Variants in DOCK5 observed in about 807,000 individuals in gnomAD.
DOCK5 encodes the protein dedicator of cytokinesis 5.
DOCK5 carries 142 observed loss-of-function variants against 251.8 expected under a neutral mutation model. The observed-to-expected ratio is 0.56, with a 90% CI of 0.49 to 0.65. The LOEUF (loss-of-function observed/expected upper bound fraction) is 0.65. Ranked by LOEUF, DOCK5 falls within the 30% of genes least tolerant of loss-of-function variation. DOCK5 has a pLI of 0.00. For missense variants in DOCK5, 2,111 were observed against 2,312.3 expected, an observed-to-expected ratio of 0.91 and a Z score of 1.79; for synonymous variants, 842 against 835.5, an observed-to-expected ratio of 1.01 and a Z score of -0.13.
Position 25,407,525 on chromosome 8 carries a change from G to C in DOCK5, c.5094-458G>C, listed in dbSNP as rs183808494. On this transcript the variant is annotated intron_variant, in intron 48 of 51. Coordinates refer to ENST00000276440, the MANE Select transcript of DOCK5 (RefSeq NM_024940.8). Reference sequence around the variant, plus strand: ...ATTAACACCTTGAGATGTTTGTTCAGTTGTAATTGAAAATTTAGATTTAGA... The same window carrying C: ...ATTAACACCTTGAGATGTTTGTTCACTTGTAATTGAAAATTTAGATTTAGA... Among the ~76,000 whole-genome samples the C allele has an allele frequency of 2.5e-3, 385 of 152,288 alleles. 3 individuals are homozygous for C. Among genetic ancestry groups the C allele is most frequent in the African/African-American group, 9.1e-3 (379 of 41,568 alleles).
chr8:25,259,046 G>A (rs918970267), intron 2 of DOCK5, among the ~76,000 whole-genome samples: 2 of 152,212 alleles, frequency 1.3e-5, no homozygotes, highest in Non-Finnish European at 2.9e-5. Flanking sequence ...TTGAGCCCGG[G>A]GGGGCGGAGG....
intron 1 of DOCK5, among the ~76,000 whole-genome samples, chr8:25,188,616 G>C (rs753689493): frequency 3.3e-5 from 5 of 152,176 alleles, no homozygotes; most frequent in Non-Finnish European, 5.9e-5. Flanking sequence ...CAGCCTGTCT[G>C]GGCTTTCTTA....
At position 25,302,464 on chromosome 8, in the gene DOCK5, A is replaced by T; in HGVS notation, c.976+10A>T. 2 of 1,536,144 alleles carry T rather than the reference A, an allele frequency of 1.3e-6. No homozygotes were observed. The highest frequency in any genetic ancestry group is 2.8e-5 in the African/African-American group (2 of 72,564). The stretch of plus-strand genomic sequence containing the variant: ...CCTTTTGGAGTGGCAGGTACAAGAG[A>T]GACCCAGAGACAAATGTGAAATAGT... On this transcript the variant is annotated intron_variant, in intron 10 of 51. Transcript: ENST00000276440.
Position 25,375,629 on chromosome 8 carries a change from G to A in DOCK5, c.3816+975G>A, listed in dbSNP as rs765893539. On this transcript the variant is annotated intron_variant, in intron 37 of 51. Transcript: ENST00000276440. ...GCACTACAGCAGCCTCCTGTTTGGT[G>A]TCTCTGCCTCCAGTTTTGTTCTCAG... 315 of 946,762 alleles carry A rather than the reference G, an allele frequency of 3.3e-4. 1 individual carries two copies. The highest frequency in any genetic ancestry group is 5.5e-4 in the Middle Eastern group (1 of 1,814). The allele number at this position is 946,762 out of a possible 1,614,324, so 58.6% of individuals were successfully genotyped here. A position where few individuals can be genotyped will look rare whatever the true frequency, so the allele number is the denominator to read the frequency against.
chr8:25,309,880 A>G (rs767008263), intron 12 of DOCK5, among the ~76,000 whole-genome samples: 1 of 152,114 alleles, frequency 6.6e-6, no homozygotes, highest in Non-Finnish European at 1.5e-5. Flanking sequence ...TTTAATAGCT[A>G]TACACTTCTT....
chr8:25,302,015 G>A (rs1804778555), intron 9 of DOCK5, among the ~76,000 whole-genome samples: 1 of 152,172 alleles, frequency 6.6e-6, no homozygotes, highest in Non-Finnish European at 1.5e-5. Flanking sequence ...TCGCAATGAT[G>A]AGGGCCCTGA....
At chr8:25,286,817 C>G (rs1804347035) in intron 5 of DOCK5, among the ~76,000 whole-genome samples, 1 of 152,078 alleles carries the variant, frequency 6.6e-6, no homozygotes, top group African/African-American at 2.4e-5. Flanking sequence ...GCGTGCACCA[C>G]CACATCTGGC....
intron 1 of DOCK5, among the ~76,000 whole-genome samples, chr8:25,235,455 C>T (rs1280823770): frequency 3.3e-5 from 5 of 152,148 alleles, no homozygotes; most frequent in African/African-American, 1.2e-4. Flanking sequence ...GACAGGGTCT[C>T]CCTATGTTGC....
At chr8:25,346,626 C>T (rs1800372302) in intron 26 of DOCK5, among the ~76,000 whole-genome samples, 1 of 100,126 alleles carries the variant, frequency 1.0e-5, no homozygotes, top group African/African-American at 4.1e-5. Flanking sequence ...GAGATCGAGA[C>T]CATCCTGGCT....
rs199896366 is a variant in DOCK5, at chr8:25,299,002, A to G, written c.665A>G (p.Tyr222Cys). The G allele has an allele frequency of 1.4e-5, 22 of 1,613,820 alleles. No individual in the cohort carries two copies. The highest frequency in any genetic ancestry group is 8.3e-5 in the Admixed American group (5 of 59,990). ...TCCATCTTCAGTACCATCCACACCTATGGCCTCTATGTGAACTTCAAGAAC... is the reference window on the plus strand; with the variant it reads ...TCCATCTTCAGTACCATCCACACCTGTGGCCTCTATGTGAACTTCAAGAAC... Reference protein sequence around the residue: ...GQSIFSTIHTYGLYVNFKNFV... With the variant: ...GQSIFSTIHTCGLYVNFKNFV... The change falls in exon 8 of 52, where the codon TAT becomes TGT. Residue 222 changes from tyrosine (Y) to cysteine (C), a missense_variant. Transcript: ENST00000276440.
At chr8:25,373,499 A>G in intron 35 of DOCK5, 119 bp from the exon 36 acceptor site, 1 of 929,574 alleles carries the variant, frequency 1.1e-6, no homozygotes, top group Middle Eastern at 2.8e-4. Flanking sequence ...GTTAAAGGGA[A>G]ACAGTGATCT....
Position 25,408,931 on chromosome 8 carries a change from A to G in DOCK5, c.5395A>G (p.Arg1799Gly), listed in dbSNP as rs1801570292. 6.2e-7 allele frequency: 1 copy of G among 1,613,886 alleles called. No homozygotes were observed. Among genetic ancestry groups the G allele is most frequent in the African/African-American group, 1.3e-5 (1 of 74,934 alleles). Residue 1799 changes from arginine to glycine, a missense_variant, in exon 50 of 52, where the codon AGG (arginine) becomes GGG (glycine). Around this residue, in one of 3 missense-constraint regions of DOCK5, gnomAD observed 1,717 missense variants for 1,892.4 expected, o/e 0.91. Transcript: ENST00000276440. ...SPPPLTPKAT[R>G]TLSSPSLQTD... ...ACCTCCACTCACTCCCAAAGCCACC[A>G]GGACCCTAAGTAAGTTTTCCTGTAT...
At chr8:25,349,545 A>G (rs542576626) in intron 26 of DOCK5, among the ~76,000 whole-genome samples, 1 of 152,342 alleles carries the variant, frequency 6.6e-6, no homozygotes, top group East Asian at 1.9e-4. Flanking sequence ...ATGAGTGGAT[A>G]AAGTGTGGTA....
chr8:25,184,806 G>C lies in DOCK5; in HGVS notation c.-103G>C, dbSNP rs1801385935. ...AGTCCAGCGAAGTTTGGCGGAACAT[G>C]GCGGAAGCGTCTGGGGCACGCAGGA... On this transcript the variant is annotated 5_prime_UTR_variant, in exon 1 of 52. An upstream start codon of the reference 5' UTR is lost. Transcript: ENST00000276440. The C allele has an allele frequency of 9.1e-7, 1 of 1,100,716 alleles. No individual in the cohort carries two copies. Among genetic ancestry groups the C allele is most frequent in the Non-Finnish European group, 1.2e-6 (1 of 863,730 alleles). The allele number at this position is 1,100,716 out of a possible 1,614,324, so 68.2% of individuals were successfully genotyped here.
At chr8:25,371,713 T>TTTTTTA (rs1800876175) in intron 34 of DOCK5, among the ~76,000 whole-genome samples, 1 of 152,254 alleles carries the variant, frequency 6.6e-6, no homozygotes, top group South Asian at 2.1e-4. Flanking sequence ...GATATGCTAC[T>TTTTTTA]TTTTTAAATC....
chr8:25,270,060 A>C (rs1419016241), intron 3 of DOCK5, among the ~76,000 whole-genome samples: 1 of 152,210 alleles, frequency 6.6e-6, no homozygotes, highest in Non-Finnish European at 1.5e-5. Context: ...ATGTATGTGT[A>C]CACATACACA....
At position 25,304,235 on chromosome 8, in the gene DOCK5, G is replaced by T. The variant is rs749195122; in HGVS notation, c.977-20G>T. ...GCATGAAGCAATTAGTTTCTTTAAT[G>T]AAGTTTATCTTTTTCCTAGTGATGG... is the stretch of plus-strand genomic sequence containing the variant. On this transcript the variant is annotated intron_variant, in intron 10 of 51. Coordinates refer to ENST00000276440, the MANE Select transcript of DOCK5 (RefSeq NM_024940.8). 10 of 1,578,154 alleles carry T rather than the reference G, an allele frequency of 6.3e-6. No homozygotes were observed. The highest frequency in any genetic ancestry group is 7.7e-6 in the Non-Finnish European group (9 of 1,163,202).
At chr8:25,389,425 A>G (rs920342199) in intron 41 of DOCK5, among the ~76,000 whole-genome samples, 193 bp downstream of exon 41, 2 of 152,212 alleles carry the variant, frequency 1.3e-5, no homozygotes, top group African/African-American at 4.8e-5. Context: ...TGACATAACA[A>G]AAGAGGAGAG....
At chr8:25,235,822 C>T (rs574367017) in intron 1 of DOCK5, among the ~76,000 whole-genome samples, 130 of 98,792 alleles carry the variant, frequency 1.3e-3, no homozygotes, top group African/African-American at 3.2e-3. Context: ...TTTTTTGAAA[C>T]GGAGTCTCAC....
Sources: gnomAD v4.1 joint callset for allele counts (sites outside exome capture counted in the v4.1 genomes callset) on GRCh38, gnomAD v4.1.1 for gene constraint, gnomAD v4.1.1 regional missense constraint, MANE v1.5 for transcripts, NCBI Gene and HGNC (gene_info 2026-07-23, HGNC 2026-07-21) for gene names.